Variants in MACROD2 observed in about 807,000 individuals in gnomAD.
MACROD2 encodes the protein mono-ADP ribosylhydrolase 2.
Under a neutral mutation model 70.4 loss-of-function variants are expected in MACROD2, and 36 were observed. That is an observed-to-expected ratio of 0.51 (90% CI 0.39 to 0.68). The LOEUF (loss-of-function observed/expected upper bound fraction) is 0.68. Ranked by LOEUF, MACROD2 falls within the 30% of genes least tolerant of loss-of-function variation. The probability of loss-of-function intolerance (pLI) is 0.00; values close to 1 mark genes in which losing one functional copy is unlikely to be tolerated. For missense variants in MACROD2, 496 were observed against 538.4 expected (o/e 0.92, Z 0.78); for synonymous variants, 172 against 178.8 (o/e 0.96, Z 0.30).
chr20:15,630,939 A>G (rs2049281758), intron 8 of MACROD2, among the ~76,000 whole-genome samples: 1 of 152,258 alleles, frequency 6.6e-6, no homozygotes, highest in Non-Finnish European at 1.5e-5. Flanking sequence ...ACCCCAGGTT[A>G]GCTTCATCTG....
chr20:14,775,648 G>T (rs945307645), intron 5 of MACROD2, among the ~76,000 whole-genome samples: 1 of 151,896 alleles, frequency 6.6e-6, no homozygotes, highest in South Asian at 2.1e-4. Context: ...TTCAACATGC[G>T]ATTTGGAGGG....
chr20:15,488,096 T>C (rs2047184637), intron 7 of MACROD2, among the ~76,000 whole-genome samples: 1 of 152,116 alleles, frequency 6.6e-6, no homozygotes, highest in African/African-American at 2.4e-5. Context: ...CTAGGGATCC[T>C]AGGACACAGG....
At chr20:14,179,716 T>C (rs1399656443) in intron 3 of MACROD2, among the ~76,000 whole-genome samples, 1 of 152,118 alleles carries the variant, frequency 6.6e-6, no homozygotes, top group African/African-American at 2.4e-5. Context: ...ACCAAAGATA[T>C]GATATTTGTG....
intron 5 of MACROD2, among the ~76,000 whole-genome samples, chr20:14,973,225 CTT>C (rs1223038135): frequency 0.034 from 2,926 of 85,522 alleles, 59 homozygotes; most frequent in African/African-American, 0.12. Flanking sequence ...TGAGTAGTTG[CTT>C]TTTTTTTTTT....
At chr20:14,090,936 T>G (rs1273868897) in intron 3 of MACROD2, among the ~76,000 whole-genome samples, 1 of 152,158 alleles carries the variant, frequency 6.6e-6, no homozygotes, top group African/African-American at 2.4e-5. Flanking sequence ...CAAAAGCCAT[T>G]CCAACAGGTG....
intron 8 of MACROD2, among the ~76,000 whole-genome samples, chr20:15,842,395 C>T (rs960287055): frequency 1.3e-5 from 2 of 150,790 alleles, no homozygotes; most frequent in African/African-American, 4.9e-5. Context: ...CTTAGTGGCT[C>T]TATGATGTAT....
intron 6 of MACROD2, among the ~76,000 whole-genome samples, chr20:15,391,713 GTTC>G (rs1192259551): frequency 7.2e-5 from 11 of 152,212 alleles, no homozygotes; most frequent in African/African-American, 2.6e-4. Flanking sequence ...ACCTGTACAA[GTTC>G]TTCTTGGAAA....
At chr20:15,624,287 G>A (rs974469607) in intron 8 of MACROD2, among the ~76,000 whole-genome samples, 2 of 152,196 alleles carry the variant, frequency 1.3e-5, no homozygotes, top group African/African-American at 2.4e-5. Flanking sequence ...ATTGGATGGT[G>A]CCCACCCACA....
chr20:15,956,005 A>T lies in MACROD2; in HGVS notation c.908-11548A>T, dbSNP rs539446953. On this transcript the variant is annotated intron_variant, in intron 12 of 17. Transcript: ENST00000684519. Reference sequence around the variant, plus strand: ...ACTAAAAATAAATTATTGATACAATATTTTACATTCTTTGTATGTGTATGA... The same window carrying T: ...ACTAAAAATAAATTATTGATACAATTTTTTACATTCTTTGTATGTGTATGA... 7.2e-5 allele frequency among the ~76,000 whole-genome samples: 11 copies of T among 152,296 alleles called. No homozygotes were observed. In the South Asian group the frequency reaches 1.4e-3, roughly 20 times the overall value.
intron 4 of MACROD2, among the ~76,000 whole-genome samples, chr20:14,548,091 A>G (rs73901273): frequency 0.031 from 4,665 of 152,322 alleles, 232 homozygotes; most frequent in African/African-American, 0.1. Context: ...AGGCAAAGCC[A>G]CGTCGCAAAG....
At chr20:15,040,429 C>T (rs1465909779) in intron 5 of MACROD2, among the ~76,000 whole-genome samples, 2 of 152,100 alleles carry the variant, frequency 1.3e-5, no homozygotes, top group East Asian at 3.9e-4. Context: ...CAATGGTTTA[C>T]TCTCTCTCCA....
At chr20:15,976,204 A>G (rs549383099) in intron 13 of MACROD2, among the ~76,000 whole-genome samples, 2 of 152,352 alleles carry the variant, frequency 1.3e-5, no homozygotes, top group South Asian at 4.1e-4. Context: ...TGATGTCCCC[A>G]GACCAATTTT....
intron 4 of MACROD2, among the ~76,000 whole-genome samples, chr20:14,499,968 T>C (rs957216242): frequency 1.3e-5 from 2 of 152,188 alleles, no homozygotes; most frequent in African/African-American, 4.8e-5. Context: ...AAATAGGTTC[T>C]TCAAGCAGGG....
At chr20:15,826,786 A>C (rs1485886468) in intron 8 of MACROD2, among the ~76,000 whole-genome samples, 1 of 152,232 alleles carries the variant, frequency 6.6e-6, no homozygotes, top group Non-Finnish European at 1.5e-5. Context: ...CGTGAAGCTT[A>C]TCTTTGAAAT....
intron 2 of MACROD2, among the ~76,000 whole-genome samples, chr20:14,025,079 C>T (rs1026027493): frequency 6.6e-6 from 1 of 152,108 alleles, no homozygotes; most frequent in Non-Finnish European, 1.5e-5. Context: ...GATTTGACTT[C>T]TTTCTGGTTT....
At chr20:16,030,562 T>A (rs115217248) in intron 15 of MACROD2, among the ~76,000 whole-genome samples, 283 of 152,100 alleles carry the variant, frequency 1.9e-3, no homozygotes, top group African/African-American at 6.3e-3. Flanking sequence ...AAGAGAAAGA[T>A]CCAAATTCCC....
intron 4 of MACROD2, among the ~76,000 whole-genome samples, chr20:14,507,927 C>G (rs1347568395): frequency 6.6e-6 from 1 of 152,102 alleles, no homozygotes; most frequent in Non-Finnish European, 1.5e-5. Context: ...GCTGGAGTGG[C>G]CTCCTGAAAG....
intron 2 of MACROD2, among the ~76,000 whole-genome samples, chr20:14,044,206 T>C (rs1374930474): frequency 6.6e-6 from 1 of 151,870 alleles, no homozygotes; most frequent in Non-Finnish European, 1.5e-5. Flanking sequence ...GCTGCAGACT[T>C]TCGCGGTGAG....
intron 5 of MACROD2, among the ~76,000 whole-genome samples, chr20:14,810,837 A>C (rs2072701112): frequency 6.6e-6 from 1 of 152,104 alleles, no homozygotes; most frequent in African/African-American, 2.4e-5. Context: ...TCCCATTCAC[A>C]ATTGCTACGA....
Sources: gnomAD v4.1 joint callset for allele counts (sites outside exome capture counted in the v4.1 genomes callset) on GRCh38, gnomAD v4.1.1 for gene constraint, MANE v1.5 for transcripts, NCBI Gene and HGNC (gene_info 2026-07-23, HGNC 2026-07-21) for gene names.